ERAP2: variants seen among roughly 807,000 people sequenced by gnomAD.
ERAP2 encodes leukocyte-derived arginine aminopeptidase.
Under a neutral mutation model 111.1 loss-of-function variants are expected in ERAP2, and 118 were observed. The observed-to-expected ratio is 1.06, with a 90% CI of 0.92 to 1.24. The LOEUF is 1.24. Among genes scored for constraint, ERAP2 ranks in the 50% most tolerant of loss-of-function variants. The pLI is 0.00. For missense variants in ERAP2, 1,131 were observed against 1,125.8 expected, an observed-to-expected ratio of 1.00 and a Z score of -0.07; for synonymous variants, 410 against 401.2, an observed-to-expected ratio of 1.02 and a Z score of -0.26.
chr5:96,919,053 A>G lies in ERAP2; in HGVS notation c.*1448A>G, dbSNP rs950904635. 6.6e-6 allele frequency: 1 copy of G among 152,252 alleles called. No homozygotes were observed. Among genetic ancestry groups the G allele is most frequent in the African/African-American group, 2.4e-5 (1 of 41,470 alleles). The allele number at this position is 152,252 out of a possible 1,614,324, so 9.4% of individuals were successfully genotyped here. A position where few individuals can be genotyped will look rare whatever the true frequency, so the allele number is the denominator to read the frequency against. ...TATATGAGACAGTATAAAAATACAG[A>G]TAAGTTTTAGAAAGACTCAAAACAA... On this transcript the variant is annotated 3_prime_UTR_variant, in exon 19 of 19. Transcript: ENST00000437043.
rs144903049 is a variant in ERAP2 at position 96,917,507 on chromosome 5, G to T, written c.2785G>T (p.Asp929Tyr). ...TCTTGAGGCTCAAGGATCACATCTG[G>T]ATATTTTTCAAACTGTTCTGGAAAC... Reference protein sequence around the residue: ...ESLEAQGSHLDIFQTVLETIT... With the variant: ...ESLEAQGSHLYIFQTVLETIT... Residue 929 changes from aspartate to tyrosine, a missense_variant, in exon 19 of 19, where the codon GAT (aspartate) becomes TAT (tyrosine). Asp to Tyr is a radical substitution (Grantham distance 160). Transcript: ENST00000437043. The T allele has an allele frequency of 1.2e-6, 2 of 1,613,734 alleles. No homozygotes were observed. The highest frequency in any genetic ancestry group is 1.7e-5 in the Admixed American group (1 of 59,996).
intron 4 of ERAP2, among the ~76,000 whole-genome samples, chr5:96,888,850 C>T (rs1356531285): frequency 6.6e-6 from 1 of 152,130 alleles, no homozygotes; most frequent in Non-Finnish European, 1.5e-5. Context: ...AGCTAGTTGA[C>T]AAGTGTTAAA....
At chr5:96,882,913 A>T (rs149228025) in intron 2 of ERAP2, among the ~76,000 whole-genome samples, 70 of 152,236 alleles carry the variant, frequency 4.6e-4, no homozygotes, top group African/African-American at 1.7e-3. Context: ...TTTCCAGTCA[A>T]AATCTGCTCT....
chr5:96,912,894 T>C (rs1786960657), intron 16 of ERAP2, 96 bp downstream of exon 16: 1 of 964,112 alleles, frequency 1.0e-6, no homozygotes, highest in Admixed American at 3.0e-5. Context: ...AGGCATAAGA[T>C]AATTGAATCA....
chr5:96,913,299 T>C lies in ERAP2; in HGVS notation c.2517-18T>C. 1 of 1,606,352 alleles carries C rather than the reference T, an allele frequency of 6.2e-7. No homozygotes were observed. Among genetic ancestry groups the C allele is most frequent in the Non-Finnish European group, 8.5e-7 (1 of 1,173,902 alleles). ...ATAATACCTACTATTTAGAAACAAATTATTTTTCTTTCTTCAGGTTAATTG... is the reference window on the plus strand; with the variant it reads ...ATAATACCTACTATTTAGAAACAAACTATTTTTCTTTCTTCAGGTTAATTG... On this transcript the variant is annotated intron_variant, in intron 16 of 18. Transcript: ENST00000437043.
At chr5:96,886,884 T>G in intron 4 of ERAP2, 95 bp downstream of exon 4, 1 of 1,165,222 alleles carries the variant, frequency 8.6e-7, no homozygotes, top group Non-Finnish European at 1.1e-6. Flanking sequence ...TATCAAAGTA[T>G]TATGTTTATA....
chr5:96,896,498 T>A lies in ERAP2; in HGVS notation c.1365T>A (p.Tyr455Ter). 1 of 1,613,152 alleles carries A rather than the reference T, an allele frequency of 6.2e-7. No individual in the cohort carries two copies. Among genetic ancestry groups the A allele is most frequent in the Middle Eastern group, 1.7e-4 (1 of 6,046 alleles). ...QIQEMFDEVS[Y>*]NKGACILNML... ...AGGAAATGTTTGATGAAGTTTCCTA[T>A]AACAAGGTAGTAAATATCAGGTGCA... The change falls in exon 8 of 19, where the codon TAT becomes TAA. Residue 455 changes from tyrosine to a stop codon, truncating the protein, a stop_gained. Coordinates refer to ENST00000437043, the MANE Select transcript of ERAP2 (RefSeq NM_022350.5). LOFTEE classifies it high-confidence loss of function.
intron 10 of ERAP2, among the ~76,000 whole-genome samples, chr5:96,900,957 G>T (rs1278200760): frequency 1.3e-5 from 2 of 152,094 alleles, no homozygotes; most frequent in Non-Finnish European, 2.9e-5. Flanking sequence ...GATCCACGGC[G>T]CCTGGCCCTA....
chr5:96,894,933 A>G (rs1287715358), intron 6 of ERAP2, among the ~76,000 whole-genome samples: 4 of 152,112 alleles, frequency 2.6e-5, no homozygotes, highest in Admixed American at 2.6e-4. Flanking sequence ...TACCTCCATA[A>G]AGTGTTCCAT....
chr5:96,876,753 T>C (rs1244868853), intron 1 of ERAP2, among the ~76,000 whole-genome samples: 5 of 152,162 alleles, frequency 3.3e-5, no homozygotes, highest in African/African-American at 1.2e-4. Context: ...GAGATCTTTT[T>C]GTCTTTTCTA....
chr5:96,889,118 G>A (rs754008637), intron 4 of ERAP2, 67 bp from the exon 5 acceptor site: 7 of 1,592,050 alleles, frequency 4.4e-6, no homozygotes, highest in African/African-American at 1.3e-5. Context: ...GTGTGAGAGG[G>A]TTATCAGGAA....
chr5:96,892,278 A>G, intron 5 of ERAP2, 21 bp from the exon 6 acceptor site: 1 of 1,612,740 alleles, frequency 6.2e-7, no homozygotes, highest in Non-Finnish European at 8.5e-7. Context: ...AAACTCAAGT[A>G]TGGTTGTTCT....
chr5:96,879,897 G>A lies in ERAP2; in HGVS notation c.212G>A (p.Ser71Asn), dbSNP rs1423334002. 2 of 1,614,028 alleles carry A rather than the reference G, an allele frequency of 1.2e-6. No individual in the cohort carries two copies. Among genetic ancestry groups the A allele is most frequent in the African/African-American group, 1.3e-5 (1 of 74,936 alleles). ...CCTTGGCAGGAGCTAAGGCTCCCCA[G>A]TGTGGTCATTCCTCTCCATTATGAC... is the stretch of plus-strand genomic sequence containing the variant. ...RFPWQELRLP[S>N]VVIPLHYDLF... Residue 71 changes from serine to asparagine, a missense_variant, in exon 2 of 19, where the codon AGT becomes AAT. This residue lies in a region of ERAP2 where 847 missense variants were observed against 856.5 expected (regional missense o/e 0.99). Coordinates refer to ENST00000437043, the MANE Select transcript of ERAP2 (RefSeq NM_022350.5).
At chr5:96,910,307 A>G (rs942046808) in intron 15 of ERAP2, 1 of 151,954 alleles carries the variant, frequency 6.6e-6, no homozygotes, top group African/African-American at 2.4e-5. Flanking sequence ...TTATTATAAG[A>G]TGGTATCATA....
In ERAP2 at chr5:96,883,801, A is replaced by G. The variant is rs773494377; in HGVS notation, c.585A>G (p.Ala195=). Residue 195 remains alanine (A), a synonymous_variant, in exon 3 of 19, where the codon GCA becomes GCG. Transcript: ENST00000437043. ...RTLGGETRIL[A]VTDFEPTQAR... Reference sequence around the variant, plus strand: ...GTGGGTCTTTTCACAGAATTCTTGCAGTAACAGATTTTGAGCCAACCCAGG... The same window carrying G: ...GTGGGTCTTTTCACAGAATTCTTGCGGTAACAGATTTTGAGCCAACCCAGG... The G allele has an allele frequency of 1.2e-6, 2 of 1,610,532 alleles. No individual in the cohort carries two copies. Among genetic ancestry groups the G allele is most frequent in the South Asian group, 1.1e-5 (1 of 90,042 alleles).
chr5:96,884,070 C>CTA (rs1783467593), intron 3 of ERAP2, 140 bp downstream of exon 3: 1 of 644,642 alleles, frequency 1.6e-6, no homozygotes, highest in Non-Finnish European at 2.5e-6. Flanking sequence ...ATCTATCTAT[C>CTA]TATCTATCTA....
intron 9 of ERAP2, among the ~76,000 whole-genome samples, chr5:96,898,924 G>A (rs1009089107): frequency 1.3e-5 from 2 of 152,078 alleles, no homozygotes; most frequent in African/African-American, 4.8e-5. Context: ...TGCCATGTGT[G>A]TGTGCATGTA....
At position 96,917,457 on chromosome 5, in the gene ERAP2, T is replaced by C. The variant is rs1031131124; in HGVS notation, c.2740-5T>C. 4.3e-6 allele frequency: 7 copies of C among 1,610,152 alleles called. No individual in the cohort carries two copies. In the Admixed American group the frequency reaches 1.2e-4, roughly 27 times the overall value. On this transcript the variant is annotated splice_region_variant and splice_polypyrimidine_tract_variant and intron_variant, in intron 18 of 18. Transcript: ENST00000437043. ...TTAGTAATTTTTTTCTTCAATATTT[T>C]ACAGGTGAAACTATTTTTTGAATCT...
chr5:96,899,669 C>T lies in ERAP2; in HGVS notation c.1504-452C>T, dbSNP rs574293913. Among the ~76,000 whole-genome samples, 25 of 152,270 alleles carry T rather than the reference C, an allele frequency of 1.6e-4. No individual in the cohort carries two copies. In the Middle Eastern group the frequency reaches 0.01, roughly 62 times the overall value. Reference sequence around the variant, plus strand: ...GTTGTGATAGCCACTGTAGGAATACCTTGGTAAACAAAGGTGTTTCCCCTA... The same window carrying T: ...GTTGTGATAGCCACTGTAGGAATACTTTGGTAAACAAAGGTGTTTCCCCTA... On this transcript the variant is annotated intron_variant, in intron 9 of 18. Coordinates refer to ENST00000437043, the MANE Select transcript of ERAP2 (RefSeq NM_022350.5).
Sources: allele counts gnomAD v4.1 joint callset (sites outside exome capture counted in the v4.1 genomes callset), GRCh38; gene constraint gnomAD v4.1.1; regional missense constraint gnomAD v4.1.1; transcripts MANE v1.5; gene names NCBI Gene and HGNC (gene_info 2026-07-23, HGNC 2026-07-21).